Variants in EHBP1 observed in about 807,000 individuals in gnomAD.
EHBP1 encodes EH domain-binding protein 1.
Under a neutral mutation model 144.0 loss-of-function variants are expected in EHBP1, and 55 were observed. The observed-to-expected ratio is 0.38, with a 90% CI of 0.31 to 0.48. The LOEUF is 0.48. Ranked by LOEUF, EHBP1 falls within the 20% of genes least tolerant of loss-of-function variation. The pLI is 0.98. For synonymous variants in EHBP1, 469 were observed against 472.7 expected (o/e 0.99, Z 0.10); for missense variants, 1,200 against 1,364.2 (o/e 0.88, Z 1.90).
At chr2:62,859,117 C>A (rs1285556325) in intron 7 of EHBP1, 52 bp from the exon 8 acceptor site, 8 of 1,502,110 alleles carry the variant, frequency 5.3e-6, no homozygotes, top group Non-Finnish European at 5.4e-6. Context: ...CACGAATGTT[C>A]AATACTTACA....
intron 10 of EHBP1, among the ~76,000 whole-genome samples, chr2:62,937,368 G>A (rs2056451998): frequency 6.6e-6 from 1 of 152,156 alleles, no homozygotes; most frequent in Non-Finnish European, 1.5e-5. Context: ...TATCTCAAAC[G>A]AGTTGTGAGG....
intron 10 of EHBP1, among the ~76,000 whole-genome samples, chr2:62,909,641 A>G (rs1292821684): frequency 2.6e-5 from 4 of 152,198 alleles, no homozygotes; most frequent in African/African-American, 9.7e-5. Context: ...GCAAAAATGA[A>G]CTGTGACCTG....
chr2:62,778,478 A>C (rs1204842008), intron 5 of EHBP1, among the ~76,000 whole-genome samples: 1 of 150,924 alleles, frequency 6.6e-6, no homozygotes, highest in Non-Finnish European at 1.5e-5. Flanking sequence ...TGGGAGGTTG[A>C]GACTGTAATG....
intron 5 of EHBP1, among the ~76,000 whole-genome samples, chr2:62,805,785 G>A (rs1573447656): frequency 6.6e-6 from 1 of 152,232 alleles, no homozygotes; most frequent in East Asian, 1.9e-4. Flanking sequence ...CCAAAATGCT[G>A]GGATTACAGG....
At chr2:62,782,130 C>T (rs1386743808) in intron 5 of EHBP1, among the ~76,000 whole-genome samples, 1 of 152,110 alleles carries the variant, frequency 6.6e-6, no homozygotes, top group Non-Finnish European at 1.5e-5. Flanking sequence ...ATTTATTGTC[C>T]TAGGCACTAG....
intron 1 of EHBP1, among the ~76,000 whole-genome samples, chr2:62,687,124 C>G (rs546999585): frequency 6.6e-6 from 1 of 152,186 alleles, no homozygotes; most frequent in African/African-American, 2.4e-5. Flanking sequence ...TAAATCCTCT[C>G]CAGGTCTCTT....
At chr2:62,945,212 C>T in intron 12 of EHBP1, among the ~76,000 whole-genome samples, 1 of 152,174 alleles carries the variant, frequency 6.6e-6, no homozygotes, top group East Asian at 1.9e-4. Context: ...ATAAAAAGCA[C>T]ATATATTACT....
At chr2:62,790,848 G>A (rs987999586) in intron 5 of EHBP1, among the ~76,000 whole-genome samples, 1 of 151,942 alleles carries the variant, frequency 6.6e-6, no homozygotes, top group Non-Finnish European at 1.5e-5. Flanking sequence ...TGTCTCTTGT[G>A]TTTTATCTTG....
chr2:62,974,661 G>A (rs1042462941), intron 14 of EHBP1, among the ~76,000 whole-genome samples: 8 of 152,100 alleles, frequency 5.3e-5, no homozygotes, highest in Non-Finnish European at 1.0e-4. Flanking sequence ...TAAAGGTTGA[G>A]TGGATTCACT....
intron 2 of EHBP1, among the ~76,000 whole-genome samples, chr2:62,737,636 A>G (rs1337987445): frequency 1.3e-5 from 2 of 152,174 alleles, no homozygotes; most frequent in Admixed American, 6.5e-5. Flanking sequence ...TGGAGCGGCA[A>G]ACTGGAAGAC....
chr2:62,949,147 A>G lies in EHBP1; in HGVS notation c.2301A>G (p.Ser767=), dbSNP rs1057513533. ...CCACTTTAAATCATGCAGATCATTCATCAAAAATAGTCCAGGTAAGTGAGT... is the reference window on the plus strand; with the variant it reads ...CCACTTTAAATCATGCAGATCATTCGTCAAAAATAGTCCAGGTAAGTGAGT... ...DRTTLNHADH[S]SKIVQHRLLS... is the part of the protein sequence containing the mutation. The change falls in exon 13 of 23, where the codon TCA becomes TCG. Residue 767 remains serine, a synonymous_variant. Coordinates refer to ENST00000431489, the MANE Select transcript of EHBP1 (RefSeq NM_001142616.3). 4.5e-6 allele frequency: 7 copies of G among 1,554,110 alleles called. No homozygotes were observed. The highest frequency in any genetic ancestry group is 2.2e-5 in the Admixed American group (1 of 46,214).
At chr2:62,853,322 G>C (rs1036363742) in intron 7 of EHBP1, among the ~76,000 whole-genome samples, 22 of 152,146 alleles carry the variant, frequency 1.4e-4, no homozygotes, top group African/African-American at 5.3e-4. Context: ...TCTTCACCAG[G>C]AGTTGGTTCC....
At chr2:62,729,518 A>AATAT (rs1182647440) in intron 2 of EHBP1, among the ~76,000 whole-genome samples, 10 of 83,904 alleles carry the variant, frequency 1.2e-4, no homozygotes, top group South Asian at 6.0e-4. Context: ...ATAATAAAAT[A>AATAT]AATAAATATA....
chr2:62,707,123 G>T lies in EHBP1; in HGVS notation c.-69G>T. On this transcript the variant is annotated 5_prime_UTR_variant, in exon 2 of 23. Transcript: ENST00000431489. ...CATACATGCAAAGTTCCTTTGCTTT[G>T]GACCCTCTGCATTATTAAAGCTGCT... The T allele has an allele frequency of 1.6e-6, 2 of 1,213,762 alleles. No individual in the cohort carries two copies. Among genetic ancestry groups the T allele is most frequent in the Non-Finnish European group, 2.4e-6 (2 of 816,910 alleles). The allele number at this position is 1,213,762 out of a possible 1,614,324, so 75.2% of individuals were successfully genotyped here. A position where few individuals can be genotyped will look rare whatever the true frequency, so the allele number is the denominator to read the frequency against.
chr2:62,820,291 C>A (rs757164780), intron 5 of EHBP1, among the ~76,000 whole-genome samples: 2 of 150,472 alleles, frequency 1.3e-5, no homozygotes, highest in Non-Finnish European at 3.0e-5. Context: ...AATTTTATTT[C>A]CTTATATAAA....
At chr2:62,922,461 A>T (rs1009253225) in intron 10 of EHBP1, among the ~76,000 whole-genome samples, 1 of 152,228 alleles carries the variant, frequency 6.6e-6, no homozygotes, top group African/African-American at 2.4e-5. Context: ...CTCACTTTGT[A>T]TCCAAAGACA....
intron 19 of EHBP1, among the ~76,000 whole-genome samples, chr2:63,016,233 T>C (rs1312531032): frequency 1.3e-5 from 2 of 152,186 alleles, no homozygotes; most frequent in Admixed American, 6.5e-5. Flanking sequence ...GGAAGCAAAA[T>C]GCTGACATGA....
intron 15 of EHBP1, among the ~76,000 whole-genome samples, chr2:62,990,185 A>T (rs1360482022): frequency 6.6e-6 from 1 of 152,148 alleles, no homozygotes; most frequent in Admixed American, 6.5e-5. Flanking sequence ...ATTTGTAAAC[A>T]TATACCCTGT....
intron 5 of EHBP1, among the ~76,000 whole-genome samples, chr2:62,796,614 T>C (rs2043552760): frequency 2.6e-5 from 4 of 152,222 alleles, no homozygotes; most frequent in African/African-American, 9.6e-5. Context: ...AAAATTTTAA[T>C]CATGAATGCA....
Sources: gnomAD v4.1 joint callset for allele counts (sites outside exome capture counted in the v4.1 genomes callset) on GRCh38, gnomAD v4.1.1 for gene constraint, MANE v1.5 for transcripts, NCBI Gene and HGNC (gene_info 2026-07-23, HGNC 2026-07-21) for gene names.